The following SNTG1 variants were observed in gnomAD, a reference collection of about 807,000 sequenced individuals.
The protein encoded by SNTG1 is syntrophin gamma 1, also known as gamma-1-syntrophin.
In SNTG1, 39 loss-of-function variants were observed where a neutral mutation model predicts 74.7. The observed-to-expected ratio is 0.52, with a 90% confidence interval of 0.40 to 0.68. The LOEUF (loss-of-function observed/expected upper bound fraction) is 0.68, where lower values mean the gene tolerates loss of function less well. SNTG1 is among the 30% of genes least tolerant of loss of function. The pLI is 0.00. For missense variants in SNTG1, 685 were observed against 609.5 expected, an observed-to-expected ratio of 1.12 and a Z score of -1.30; for synonymous variants, 254 against 217.1, an observed-to-expected ratio of 1.17 and a Z score of -1.49.
chr8:50,207,283 G>A (rs2084291826), intron 2 of SNTG1, among the ~76,000 whole-genome samples: 1 of 152,052 alleles, frequency 6.6e-6, no homozygotes, highest in South Asian at 2.1e-4. Flanking sequence ...CTTCTTCCTG[G>A]TTTAGTCTTG....
chr8:50,414,882 G>A (rs1294715316), intron 4 of SNTG1, among the ~76,000 whole-genome samples: 8 of 152,000 alleles, frequency 5.3e-5, no homozygotes, highest in Admixed American at 4.6e-4. Context: ...ATCGTTGTTC[G>A]TATGAGGGAA....
At chr8:50,663,129 C>G (rs927243248) in intron 15 of SNTG1, among the ~76,000 whole-genome samples, 2 of 152,070 alleles carry the variant, frequency 1.3e-5, no homozygotes, top group Non-Finnish European at 2.9e-5. Context: ...GAGGAGCAAC[C>G]TGGTCCAAGG....
chr8:50,723,007 G>A (rs2095491466), intron 17 of SNTG1, among the ~76,000 whole-genome samples: 1 of 152,030 alleles, frequency 6.6e-6, no homozygotes, highest in East Asian at 1.9e-4. Flanking sequence ...TTCTCAACTT[G>A]CATTTCATGG....
chr8:50,116,449 G>A (rs1317099036), intron 1 of SNTG1, among the ~76,000 whole-genome samples: 4 of 151,930 alleles, frequency 2.6e-5, no homozygotes, highest in East Asian at 3.9e-4. Context: ...TTTGATTTAC[G>A]TTGCTTATAA....
intron 2 of SNTG1, among the ~76,000 whole-genome samples, chr8:50,392,685 A>C (rs1007015086): frequency 6.6e-6 from 1 of 152,214 alleles, no homozygotes; most frequent in African/African-American, 2.4e-5. Context: ...TTTTCTGAAC[A>C]AACAACTGAT....
intron 12 of SNTG1, among the ~76,000 whole-genome samples, chr8:50,560,184 A>C (rs1407419777): frequency 6.6e-6 from 1 of 152,214 alleles, no homozygotes; most frequent in East Asian, 1.9e-4. Context: ...ATCTCAGGCC[A>C]GTCAGAATGG....
chr8:50,774,311 T>A lies in SNTG1; in HGVS notation c.1396-18360T>A, dbSNP rs1050548058. Among the ~76,000 whole-genome samples, 3 of 151,866 alleles carry A rather than the reference T, an allele frequency of 2.0e-5. No individual in the cohort carries two copies. In the East Asian group the frequency reaches 5.8e-4, roughly 29 times the overall value. On this transcript the variant is annotated intron_variant, in intron 18 of 18. Transcript: ENST00000642720. ...AATAAAAACAAAAGACATAAAATTATCATGATTCACCAGCAAAAGGCCAGA... is the reference window on the plus strand; with the variant it reads ...AATAAAAACAAAAGACATAAAATTAACATGATTCACCAGCAAAAGGCCAGA...
chr8:50,512,388 T>C (rs1251355804), intron 9 of SNTG1, among the ~76,000 whole-genome samples: 1 of 152,130 alleles, frequency 6.6e-6, no homozygotes, highest in Non-Finnish European at 1.5e-5. Flanking sequence ...CTGACAATTA[T>C]GTGTCTTGGA....
intron 2 of SNTG1, among the ~76,000 whole-genome samples, chr8:50,258,200 G>C (rs2130032237): frequency 6.6e-6 from 1 of 152,344 alleles, no homozygotes; most frequent in Non-Finnish European, 1.5e-5. Context: ...TTCACTGCTA[G>C]ATGATCCGAA....
At chr8:50,684,447 G>A (rs780535771) in intron 15 of SNTG1, among the ~76,000 whole-genome samples, 2 of 151,930 alleles carry the variant, frequency 1.3e-5, no homozygotes, top group African/African-American at 2.4e-5. Context: ...TTGCTTTTCT[G>A]GTTCTAGGAA....
chr8:50,309,297 CTT>C (rs957798482), intron 2 of SNTG1, among the ~76,000 whole-genome samples: 4 of 151,842 alleles, frequency 2.6e-5, no homozygotes, highest in Non-Finnish European at 5.9e-5. Flanking sequence ...CGTATTTACT[CTT>C]TTCTCTCAGG....
chr8:50,006,163 G>T (rs796488732), intron 1 of SNTG1, among the ~76,000 whole-genome samples: 1 of 151,618 alleles, frequency 6.6e-6, no homozygotes, highest in African/African-American at 2.4e-5. Context: ...GGGTTTCATC[G>T]TGTTGGCCAG....
At chr8:49,991,921 T>C (rs995749735) in intron 1 of SNTG1, among the ~76,000 whole-genome samples, 1 of 152,192 alleles carries the variant, frequency 6.6e-6, no homozygotes, top group Non-Finnish European at 1.5e-5. Flanking sequence ...CAATGAATTA[T>C]GGCATTTAAA....
At chr8:50,760,281 A>C (rs944734359) in intron 18 of SNTG1, among the ~76,000 whole-genome samples, 1 of 152,100 alleles carries the variant, frequency 6.6e-6, no homozygotes, top group African/African-American at 2.4e-5. Flanking sequence ...CAATCATGTC[A>C]TCTGCAAACA....
intron 13 of SNTG1, among the ~76,000 whole-genome samples, chr8:50,630,927 C>T (rs912615330): frequency 2.0e-5 from 3 of 152,152 alleles, no homozygotes; most frequent in African/African-American, 7.2e-5. Flanking sequence ...TCCGAAACGT[C>T]TCTGGGTTTT....
chr8:50,384,471 ATGCTGACCT>A lies in SNTG1; in HGVS notation c.-27-9739_-27-9731del, dbSNP rs1156363927. On this transcript the variant is annotated intron_variant, in intron 2 of 18. Coordinates refer to ENST00000642720, the MANE Select transcript of SNTG1 (RefSeq NM_018967.5). ...AAATGTCTATTTCAATAAGCACAAC[ATGCTGACCT>A]TTCCATGATGTAAGTGTGGCCCAAT... 5.1e-3 allele frequency among the ~76,000 whole-genome samples: 784 copies of A among 152,322 alleles called. 15 individuals carry two copies. The highest frequency in any genetic ancestry group is 0.018 in the African/African-American group (755 of 41,584).
At chr8:49,935,407 T>C (rs73677815) in intron 1 of SNTG1, among the ~76,000 whole-genome samples, 19 of 149,144 alleles carry the variant, frequency 1.3e-4, no homozygotes, top group African/African-American at 4.2e-4. Context: ...TTTTTTTTTT[T>C]TGGTGTCAAG....
intron 15 of SNTG1, among the ~76,000 whole-genome samples, chr8:50,668,989 T>A (rs976716678): frequency 6.6e-6 from 1 of 152,032 alleles, no homozygotes; most frequent in African/African-American, 2.4e-5. Flanking sequence ...CCTTTGGGCA[T>A]ATACCCAGTA....
chr8:50,662,199 G>A (rs2095227626), intron 15 of SNTG1, among the ~76,000 whole-genome samples: 1 of 152,130 alleles, frequency 6.6e-6, no homozygotes, highest in Non-Finnish European at 1.5e-5. Context: ...TGTGCAAGTT[G>A]TAGACTTCTG....
Sources: allele counts gnomAD v4.1 joint callset (sites outside exome capture counted in the v4.1 genomes callset), GRCh38; gene constraint gnomAD v4.1.1; transcripts MANE v1.5; gene names NCBI Gene and HGNC (gene_info 2026-07-23, HGNC 2026-07-21).